LTBP1: variants seen among roughly 807,000 people sequenced by gnomAD.
LTBP1 encodes latent transforming growth factor beta binding protein 1.
LTBP1 carries 129 observed loss-of-function variants against 207.6 expected under a neutral mutation model. The observed-to-expected ratio is 0.62, with a 90% CI of 0.54 to 0.72. The LOEUF (loss-of-function observed/expected upper bound fraction) is 0.72. Among genes scored for constraint, LTBP1 ranks in the 30% least tolerant of loss-of-function variants. The pLI is 0.00. For missense variants in LTBP1, 2,281 were observed against 2,217.2 expected, an observed-to-expected ratio of 1.03 and a Z score of -0.58; for synonymous variants, 963 against 833.7, an observed-to-expected ratio of 1.16 and a Z score of -2.67.
intron 3 of LTBP1, among the ~76,000 whole-genome samples, chr2:33,077,615 T>C (rs1184284595): frequency 1.3e-5 from 2 of 152,148 alleles, no homozygotes; most frequent in African/African-American, 4.8e-5. Flanking sequence ...AAATCATTTA[T>C]GAAGAGTCCA....
At chr2:33,215,406 C>T (rs574869994) in intron 7 of LTBP1, among the ~76,000 whole-genome samples, 1 of 152,290 alleles carries the variant, frequency 6.6e-6, no homozygotes, top group Non-Finnish European at 1.5e-5. Context: ...GAGCACACAG[C>T]ATCCTGTTGA....
At chr2:32,951,859 C>G (rs1431484689) in intron 2 of LTBP1, among the ~76,000 whole-genome samples, 1 of 152,058 alleles carries the variant, frequency 6.6e-6, no homozygotes, top group Non-Finnish European at 1.5e-5. Flanking sequence ...CCTTATTATG[C>G]GGAGATTGAA....
At chr2:33,225,230 A>G (rs961304292) in intron 9 of LTBP1, among the ~76,000 whole-genome samples, 7 of 152,332 alleles carry the variant, frequency 4.6e-5, no homozygotes, top group Admixed American at 2.0e-4. Flanking sequence ...TAGCAAATCT[A>G]TCATCTTGAA....
At chr2:33,350,702 A>G (rs1010246592) in intron 26 of LTBP1, among the ~76,000 whole-genome samples, 4 of 152,176 alleles carry the variant, frequency 2.6e-5, no homozygotes, top group Middle Eastern at 6.3e-3. Context: ...TAACTAAAAA[A>G]TGTCCATACC....
At chr2:33,307,779 C>T (rs749711402) in intron 22 of LTBP1, among the ~76,000 whole-genome samples, 12 of 152,162 alleles carry the variant, frequency 7.9e-5, no homozygotes, top group Admixed American at 4.6e-4. Context: ...GGTCAGTACC[C>T]GGAAGCATTT....
intron 2 of LTBP1, among the ~76,000 whole-genome samples, chr2:32,981,524 A>G (rs1414469493): frequency 5.3e-5 from 8 of 152,172 alleles, no homozygotes. Context: ...ACTTGTTAAG[A>G]TGGAATGATG....
At chr2:33,197,141 T>G (rs1361588578) in intron 7 of LTBP1, among the ~76,000 whole-genome samples, 1 of 152,236 alleles carries the variant, frequency 6.6e-6, no homozygotes, top group African/African-American at 2.4e-5. Flanking sequence ...AGGCTGTCTA[T>G]ATAGGCAGTC....
At chr2:33,312,354 G>A (rs1316405399) in intron 23 of LTBP1, among the ~76,000 whole-genome samples, 2 of 152,174 alleles carry the variant, frequency 1.3e-5, no homozygotes, top group East Asian at 3.8e-4. Context: ...TTGGAAGCGT[G>A]TTTAAGATTT....
At position 33,363,668 on chromosome 2, in the gene LTBP1, A is replaced by G. The variant is rs530256432; in HGVS notation, c.4399+150A>G. The G allele has an allele frequency of 8.8e-5, 75 of 853,750 alleles. No homozygotes were observed. In the African/African-American group the frequency reaches 1.1e-3, roughly 12 times the overall value. The allele number at this position is 853,750 out of a possible 1,614,324, so 52.9% of individuals were successfully genotyped here. ...TTTAGGGATCTTTTTCTTAAGCACA[A>G]TTGAAGAAAATAAAAAGAAAAAACC... is the stretch of plus-strand genomic sequence containing the variant. On this transcript the variant is annotated intron_variant, in intron 29 of 33. Transcript: ENST00000404816.
At chr2:33,222,225 C>T (rs1259851644) in intron 9 of LTBP1, 74 bp downstream of exon 9, 10 of 1,064,688 alleles carry the variant, frequency 9.4e-6, no homozygotes, top group Non-Finnish European at 1.3e-5. Context: ...TTGTTTGCCA[C>T]GGCTTGCTCA....
intron 2 of LTBP1, among the ~76,000 whole-genome samples, chr2:32,959,622 T>TATATATATATATATATATATA (rs1491492410): frequency 5.1e-5 from 2 of 39,482 alleles, no homozygotes; most frequent in African/African-American, 1.6e-4. Context: ...TATATATATA[T>TATATATATATATATATATATA]TTTTTTTTTT....
chr2:33,072,067 A>G (rs1321356866), intron 3 of LTBP1, among the ~76,000 whole-genome samples: 2 of 152,168 alleles, frequency 1.3e-5, no homozygotes, highest in African/African-American at 4.8e-5. Flanking sequence ...TGCAAGTCTG[A>G]GCCTCTGGAA....
At chr2:33,117,874 G>T (rs1017300220) in intron 4 of LTBP1, among the ~76,000 whole-genome samples, 1 of 152,168 alleles carries the variant, frequency 6.6e-6, no homozygotes, top group African/African-American at 2.4e-5. Context: ...CAGAGGAGGA[G>T]CCATTTGAAA....
intron 2 of LTBP1, among the ~76,000 whole-genome samples, chr2:33,016,190 G>C (rs1298776078): frequency 1.3e-5 from 2 of 152,174 alleles, no homozygotes; most frequent in Non-Finnish European, 2.9e-5. Flanking sequence ...TCTGTGCAGA[G>C]ACAAGGAGGT....
intron 4 of LTBP1, among the ~76,000 whole-genome samples, chr2:33,121,102 G>T (rs2081080917): frequency 7.5e-6 from 1 of 133,086 alleles, no homozygotes; most frequent in African/African-American, 2.8e-5. Flanking sequence ...CTTTAGTTCT[G>T]TTGGAAAACT....
chr2:32,957,990 T>C (rs1286973965), intron 2 of LTBP1, among the ~76,000 whole-genome samples: 1 of 152,160 alleles, frequency 6.6e-6, no homozygotes, highest in East Asian at 1.9e-4. Flanking sequence ...CTCCTCTCCC[T>C]TCTATCTTAC....
chr2:33,263,247 A>G (rs147957750), intron 14 of LTBP1, 47 bp from the exon 15 acceptor site: 15 of 1,108,350 alleles, frequency 1.4e-5, no homozygotes, highest in East Asian at 1.2e-4. Flanking sequence ...ATCTCAATGC[A>G]CATAACGGGC....
At position 33,257,344 on chromosome 2, in the gene LTBP1, G is replaced by T. The variant is rs376662600; in HGVS notation, c.2228G>T (p.Arg743Leu). 2.5e-6 allele frequency: 4 copies of T among 1,614,046 alleles called. No homozygotes were observed. Among genetic ancestry groups the T allele is most frequent in the Non-Finnish European group, 3.4e-6 (4 of 1,180,042 alleles). ...MGYTVSGVHR[R>L]RPIHHHVGKG... ...TATACGGTTTCTGGCGTTCATAGACGCAGGCCAATCCATCACCATGTAGGT... is the reference window on the plus strand; with the variant it reads ...TATACGGTTTCTGGCGTTCATAGACTCAGGCCAATCCATCACCATGTAGGT... The change falls in exon 12 of 34, where the codon CGC (arginine) becomes CTC (leucine). Residue 743 changes from arginine to leucine, a missense_variant. This residue lies in a region of LTBP1 where 1,671 missense variants were observed against 1,634.8 expected (regional missense o/e 1.02). Coordinates refer to ENST00000404816, the MANE Select transcript of LTBP1 (RefSeq NM_206943.4).
rs1252393340 is a variant in LTBP1 at position 33,170,573 on chromosome 2, G to C, written c.1202-16283G>C. Among the ~76,000 whole-genome samples the C allele has an allele frequency of 5.3e-5, 8 of 152,288 alleles. No individual in the cohort carries two copies. In the East Asian group the frequency reaches 1.5e-3, roughly 29 times the overall value. Reference sequence around the variant, plus strand: ...GCCTGCCTCTGTAGGCTCCACCTCTGGGGGCAGGGCACAGACAAACAAAAA... The same window carrying C: ...GCCTGCCTCTGTAGGCTCCACCTCTCGGGGCAGGGCACAGACAAACAAAAA... On this transcript the variant is annotated intron_variant, in intron 5 of 33. Coordinates refer to ENST00000404816, the MANE Select transcript of LTBP1 (RefSeq NM_206943.4).
Sources: allele counts gnomAD v4.1 joint callset (sites outside exome capture counted in the v4.1 genomes callset), GRCh38; gene constraint gnomAD v4.1.1; regional missense constraint gnomAD v4.1.1; transcripts MANE v1.5; gene names NCBI Gene and HGNC (gene_info 2026-07-23, HGNC 2026-07-21).